The following MYBL2 variants were observed in gnomAD, a reference collection of about 807,000 sequenced individuals.
MYBL2 encodes the protein MYB proto-oncogene like 2.
A neutral mutation model predicts 79.9 loss-of-function variants in MYBL2; 28 were observed. That is an observed-to-expected ratio of 0.35 (90% CI 0.26 to 0.48). The LOEUF is 0.48. Among genes scored for constraint, MYBL2 ranks in the 20% least tolerant of loss-of-function variants. MYBL2 has a pLI of 0.99. For synonymous variants in MYBL2, 378 were observed against 361.2 expected (o/e 1.05, Z -0.53); for missense variants, 735 against 893.9 (o/e 0.82, Z 2.27).
rs556901681 is a variant in MYBL2 at position 43,680,357 on chromosome 20, G to C, written c.115-1427G>C. ...TTTGACTATTTTAGATGCTTCCTGT[G>C]AGTGGAATCCTGAGTATTTGCCCTG... On this transcript the variant is annotated intron_variant, in intron 2 of 13. Transcript: ENST00000217026. Among the ~76,000 whole-genome samples the C allele has an allele frequency of 6.0e-4, 91 of 152,340 alleles. 1 individual carries two copies. Among genetic ancestry groups the C allele is most frequent in the Non-Finnish European group, 1.1e-3 (74 of 68,044 alleles).
intron 6 of MYBL2, among the ~76,000 whole-genome samples, chr20:43,693,144 G>T (rs886542156): frequency 6.6e-5 from 10 of 152,030 alleles, no homozygotes; most frequent in African/African-American, 9.7e-5. Context: ...GCGATCTCAT[G>T]CCTCAGCAAC....
chr20:43,673,979 T>A, intron 2 of MYBL2, 80 bp downstream of exon 2: 1 of 1,230,596 alleles, frequency 8.1e-7, no homozygotes, highest in Non-Finnish European at 1.2e-6. Context: ...ATTTGATGTC[T>A]CATCAGATGG....
chr20:43,703,263 A>G (rs1308804223), intron 8 of MYBL2, among the ~76,000 whole-genome samples: 1 of 152,130 alleles, frequency 6.6e-6, no homozygotes, highest in Non-Finnish European at 1.5e-5. Flanking sequence ...GATGAAGATG[A>G]TGGGTTGTCT....
Position 43,715,174 on chromosome 20 carries a change from C to T in MYBL2, c.1865C>T (p.Ser622Leu), listed in dbSNP as rs377620425. The stretch of plus-strand genomic sequence containing the variant: ...TCAAACTCTTCCAGCCTCACCCTGT[C>T]AGGTATCAAAGAAGACAACAGCTTG... ...APSNSSSLTL[S>L]GIKEDNSLLN... Residue 622 changes from serine (S) to leucine (L), a missense_variant, in exon 13 of 14, where the codon TCA (serine) becomes TTA (leucine). By Grantham distance (145) the Ser-to-Leu change is moderately radical. Around this residue, in one of 5 missense-constraint regions of MYBL2, gnomAD observed 204 missense variants for 202.9 expected, o/e 1.01. Coordinates refer to ENST00000217026, the MANE Select transcript of MYBL2 (RefSeq NM_002466.4). 9.9e-6 allele frequency: 16 copies of T among 1,614,114 alleles called. No homozygotes were observed. The African/African-American group carries it at 2.1e-4, about 22-fold the overall frequency.
rs1478441334 is a variant in MYBL2, at chr20:43,678,267, C to T, written c.115-3517C>T. 2.0e-5 allele frequency among the ~76,000 whole-genome samples: 3 copies of T among 150,720 alleles called. No homozygotes were observed. The East Asian group carries it at 5.8e-4, about 29-fold the overall frequency. On this transcript the variant is annotated intron_variant, in intron 2 of 13. Transcript: ENST00000217026. ...TATTGTCCTGTGACCCTGCCAAATC[C>T]CCCTCTGCGAGAAACACCCAAGAAT...
In MYBL2 at chr20:43,697,661, T is replaced by A. The variant is rs568999634; in HGVS notation, c.664-2096T>A. ...GCTCACGCCTGTAATCCCAGCACTT[T>A]GGGAGGCTGAGGCAGGCGGATCACG... On this transcript the variant is annotated intron_variant, in intron 6 of 13. Transcript: ENST00000217026. 2.3e-4 allele frequency among the ~76,000 whole-genome samples: 35 copies of A among 152,016 alleles called. 2 individuals carry two copies. The South Asian group carries it at 7.3e-3, about 32-fold the overall frequency.
intron 2 of MYBL2, among the ~76,000 whole-genome samples, chr20:43,679,529 G>T (rs1381037382): frequency 6.6e-6 from 1 of 152,126 alleles, no homozygotes; most frequent in Non-Finnish European, 1.5e-5. Context: ...AGTACTGTGG[G>T]AGGCCGAAGC....
intron 2 of MYBL2, among the ~76,000 whole-genome samples, chr20:43,678,985 A>T (rs1221032411): frequency 1.0e-4 from 15 of 150,602 alleles, no homozygotes. Flanking sequence ...CAGTGCGGGG[A>T]TGGAGCTGAC....
At chr20:43,683,850 G>A (rs1178172070) in intron 4 of MYBL2, among the ~76,000 whole-genome samples, 1 of 151,914 alleles carries the variant, frequency 6.6e-6, no homozygotes, top group Non-Finnish European at 1.5e-5. Context: ...CACCGTGCCT[G>A]GCCTGGAACT....
At chr20:43,686,603 C>G (rs1176676296) in intron 4 of MYBL2, among the ~76,000 whole-genome samples, 1 of 152,176 alleles carries the variant, frequency 6.6e-6, no homozygotes, top group East Asian at 1.9e-4. Flanking sequence ...GAAAGGGTCT[C>G]TGGTATTCTT....
In MYBL2 at chr20:43,703,714, G is replaced by C. The variant is rs555464321; in HGVS notation, c.1365+811G>C. Among the ~76,000 whole-genome samples the C allele has an allele frequency of 1.4e-4, 21 of 152,264 alleles. No homozygotes were observed. In the South Asian group the frequency reaches 4.1e-3, roughly 30 times the overall value. ...GTGGGAGAGAGCGAGGCCCTGAGGT[G>C]GCCTGGTGCAGGAGGCCACCCTGTC... On this transcript the variant is annotated intron_variant, in intron 8 of 13. Transcript: ENST00000217026.
chr20:43,702,156 G>T (rs952025603), intron 7 of MYBL2, among the ~76,000 whole-genome samples: 6 of 152,040 alleles, frequency 3.9e-5, no homozygotes, highest in African/African-American at 1.4e-4. Flanking sequence ...AAAATTAGCC[G>T]AGAATGGTGG....
At chr20:43,667,838 G>A (rs1169546617) in intron 1 of MYBL2, among the ~76,000 whole-genome samples, 1 of 152,176 alleles carries the variant, frequency 6.6e-6, no homozygotes, top group Non-Finnish European at 1.5e-5. Context: ...GAAGGGTGCT[G>A]AGTTGGGGGC....
chr20:43,679,473 GA>G (rs140870021), intron 2 of MYBL2, among the ~76,000 whole-genome samples: 1,664 of 152,144 alleles, frequency 0.011, 21 homozygotes, highest in African/African-American at 0.03. Context: ...TTTCATCTTT[GA>G]AATTGGAAAC....
intron 2 of MYBL2, among the ~76,000 whole-genome samples, chr20:43,679,855 G>T (rs1385337695): frequency 7.0e-6 from 1 of 143,794 alleles, no homozygotes; most frequent in African/African-American, 2.6e-5. Context: ...AGGATGCGGG[G>T]TGGGCTGTGT....
chr20:43,667,262 C>T lies in MYBL2; in HGVS notation c.-22C>T. The T allele has an allele frequency of 1.6e-6, 2 of 1,220,944 alleles. No homozygotes were observed. The highest frequency in any genetic ancestry group is 1.0e-6 in the Non-Finnish European group (1 of 980,974). The allele number at this position is 1,220,944 out of a possible 1,614,324, so 75.6% of individuals were successfully genotyped here. On this transcript the variant is annotated 5_prime_UTR_variant, in exon 1 of 14. Transcript: ENST00000217026. The stretch of plus-strand genomic sequence containing the variant: ...GGCTCTGCCGGCGGGCGGGCGAGCG[C>T]GGCGCGGTCCGGGCCGGGGGGATGT...
chr20:43,699,322 A>G (rs1987629736), intron 6 of MYBL2, among the ~76,000 whole-genome samples: 1 of 152,234 alleles, frequency 6.6e-6, no homozygotes, highest in Admixed American at 6.5e-5. Context: ...TTGGGATTAC[A>G]GGCGTGAGCC....
chr20:43,672,318 G>A (rs191589546), intron 1 of MYBL2, among the ~76,000 whole-genome samples: 32 of 152,318 alleles, frequency 2.1e-4, no homozygotes, highest in East Asian at 3.9e-4. Context: ...AGCCAGACAC[G>A]GTGGTGCACA....
chr20:43,692,122 G>T (rs750617105), intron 5 of MYBL2, 35 bp from the exon 6 acceptor site: 12 of 1,607,218 alleles, frequency 7.5e-6, no homozygotes, highest in Non-Finnish European at 9.4e-6. Context: ...CACCCACAGA[G>T]CTGGGGTTCA....
Sources: allele counts gnomAD v4.1 joint callset (sites outside exome capture counted in the v4.1 genomes callset), GRCh38; gene constraint gnomAD v4.1.1; regional missense constraint gnomAD v4.1.1; transcripts MANE v1.5; gene names NCBI Gene and HGNC (gene_info 2026-07-23, HGNC 2026-07-21).